TMEM245: variants seen among roughly 807,000 people sequenced by gnomAD.
The protein encoded by TMEM245 is protein CG-2.
TMEM245 carries 69 observed loss-of-function variants against 101.2 expected under a neutral mutation model. The ratio of observed to expected loss-of-function variants is 0.68; its 90% CI spans 0.56 to 0.83. The LOEUF (loss-of-function observed/expected upper bound fraction) is 0.83. Ranked by LOEUF, TMEM245 falls within the 40% of genes least tolerant of loss-of-function variation. The pLI is 0.00. For synonymous variants in TMEM245, 537 were observed against 449.8 expected (o/e 1.19, Z -2.45); for missense variants, 1,075 against 1,092.8 (o/e 0.98, Z 0.23).
chr9:109,077,002 C>G (rs1448803567), intron 8 of TMEM245, among the ~76,000 whole-genome samples: 1 of 151,910 alleles, frequency 6.6e-6, no homozygotes, highest in Non-Finnish European at 1.5e-5. Context: ...CCTAACACTT[C>G]CAAATTTATT....
chr9:109,106,237 A>AAAAATATTTTATTTTATAAAAAT (rs1267425233), intron 3 of TMEM245, among the ~76,000 whole-genome samples: 5 of 151,810 alleles, frequency 3.3e-5, no homozygotes, highest in African/African-American at 1.2e-4. Flanking sequence ...AAAATAAAAT[A>AAAAATATTTTATTTTATAAAAAT]AAAATATTTT....
chr9:109,112,598 C>T (rs1830596015), intron 1 of TMEM245, among the ~76,000 whole-genome samples: 1 of 150,692 alleles, frequency 6.6e-6, no homozygotes, highest in Non-Finnish European at 1.5e-5. Context: ...AAGATGGCCA[C>T]AGTACAATGA....
rs556324256 is a variant in TMEM245, at chr9:109,102,525, T to A, written c.799+3983A>T. On this transcript the variant is annotated intron_variant, in intron 3 of 17. Coordinates refer to ENST00000374586, the MANE Select transcript of TMEM245 (RefSeq NM_032012.4). ...TGAAGATGTTAAAAATAATGCTCTA[T>A]AAGTGTATTCATTGACACAGAAAGT... 7.9e-5 allele frequency among the ~76,000 whole-genome samples: 12 copies of A among 152,284 alleles called. 1 individual carries two copies. In the South Asian group the frequency reaches 2.3e-3, roughly 29 times the overall value.
chr9:109,091,010 G>C lies in TMEM245; in HGVS notation c.1062C>G (p.Ile354Met), dbSNP rs765207623. The change falls in exon 5 of 18, where the codon ATC (isoleucine) becomes ATG (methionine). Residue 354 changes from isoleucine to methionine, a missense_variant. Ile to Met is a conservative substitution (Grantham distance 10). Coordinates refer to ENST00000374586, the MANE Select transcript of TMEM245 (RefSeq NM_032012.4). ...TGGCCCAAACTAGAGACACAAAGTA[G>C]ATGTCACTAGTTTTCTTCTTTCTAA... is the stretch of plus-strand genomic sequence containing the variant. ...TFLRKKKTSD[I>M]YFVSLVWAIV... The C allele has an allele frequency of 6.2e-7, 1 of 1,614,064 alleles. No individual in the cohort carries two copies. Among genetic ancestry groups the C allele is most frequent in the African/African-American group, 1.3e-5 (1 of 74,936 alleles).
intron 2 of TMEM245, among the ~76,000 whole-genome samples, chr9:109,107,568 T>C (rs543834193): frequency 6.6e-6 from 1 of 152,272 alleles, no homozygotes; most frequent in African/African-American, 2.4e-5. Context: ...TTCTTGCAGA[T>C]AAATTCCTCT....
chr9:109,030,602 A>T (rs1827916476), intron 17 of TMEM245, among the ~76,000 whole-genome samples: 1 of 152,172 alleles, frequency 6.6e-6, no homozygotes, highest in Admixed American at 6.5e-5. Context: ...CATTCTGTTG[A>T]TTTCGAGCAC....
chr9:109,061,723 C>T (rs935163867), intron 10 of TMEM245, among the ~76,000 whole-genome samples: 35 of 152,164 alleles, frequency 2.3e-4, no homozygotes, highest in East Asian at 5.8e-4. Context: ...TGTGCGCCCC[C>T]ACACCCAGTT....
At chr9:109,053,482 G>A (rs953601485) in intron 12 of TMEM245, among the ~76,000 whole-genome samples, 3 of 152,164 alleles carry the variant, frequency 2.0e-5, no homozygotes, top group Non-Finnish European at 4.4e-5. Context: ...GCCAGGTTTG[G>A]TATCAGTTTA....
intron 4 of TMEM245, among the ~76,000 whole-genome samples, chr9:109,091,995 G>C (rs1282125884): frequency 1.3e-5 from 2 of 152,040 alleles, no homozygotes; most frequent in African/African-American, 4.8e-5. Context: ...AATTACAAAA[G>C]TATCATACGT....
intron 2 of TMEM245, among the ~76,000 whole-genome samples, chr9:109,107,172 G>A (rs1025632033): frequency 2.6e-5 from 4 of 151,828 alleles, no homozygotes; most frequent in Non-Finnish European, 5.9e-5. Flanking sequence ...TGGCTAATTT[G>A]AGGTCAGGAG....
In TMEM245 at chr9:109,073,422, A is replaced by T; in HGVS notation, c.1466T>A (p.Val489Glu). 6.2e-7 allele frequency: 1 copy of T among 1,611,180 alleles called. No homozygotes were observed. The highest frequency in any genetic ancestry group is 1.7e-5 in the Admixed American group (1 of 60,024). Residue 489 changes from valine to glutamate, a missense_variant, in exon 9 of 18, where the codon GTA becomes GAA. By Grantham distance (121) the Val-to-Glu change is moderately radical. Coordinates refer to ENST00000374586, the MANE Select transcript of TMEM245 (RefSeq NM_032012.4). Reference protein sequence around the residue: ...LLTAKVHQESVHMIEVTSNLI... With the variant: ...LLTAKVHQESEHMIEVTSNLI... ...ATTACTTGTGACTTCAATCATGTGT[A>T]CACTCTCTTGATGTACCTGTATTAC...
chr9:109,056,442 A>C (rs34294285), intron 12 of TMEM245, among the ~76,000 whole-genome samples: 120 of 96,258 alleles, frequency 1.2e-3, no homozygotes, highest in African/African-American at 5.2e-3. Flanking sequence ...TAAAAATGCA[A>C]AAAAAAAAAA....
chr9:109,086,158 A>C (rs1280529760), intron 6 of TMEM245, 138 bp from the exon 7 acceptor site: 10 of 787,678 alleles, frequency 1.3e-5, no homozygotes, highest in Non-Finnish European at 2.1e-5. Flanking sequence ...AGGGACGGAA[A>C]AACTGTAACA....
chr9:109,109,895 T>C (rs1412365762), intron 1 of TMEM245, among the ~76,000 whole-genome samples: 2 of 152,190 alleles, frequency 1.3e-5, no homozygotes, highest in Non-Finnish European at 2.9e-5. Context: ...TTACATCTAC[T>C]ATATGGTGGG....
intron 14 of TMEM245, among the ~76,000 whole-genome samples, chr9:109,046,526 A>C (rs1828497839): frequency 6.6e-6 from 1 of 152,240 alleles, no homozygotes; most frequent in Non-Finnish European, 1.5e-5. Flanking sequence ...GATAGTGATC[A>C]TAAAGAAACC....
intron 8 of TMEM245, among the ~76,000 whole-genome samples, chr9:109,073,669 GA>G (rs1333039168): frequency 1.3e-5 from 2 of 151,864 alleles, no homozygotes; most frequent in Non-Finnish European, 2.9e-5. Flanking sequence ...CATTACTTAA[GA>G]AAAAAATACA....
intron 11 of TMEM245, among the ~76,000 whole-genome samples, chr9:109,059,523 T>C (rs1193264953): frequency 1.3e-5 from 2 of 151,574 alleles, no homozygotes; most frequent in African/African-American, 2.4e-5. Context: ...CTACAAAAAA[T>C]ACAAAAAAAT....
chr9:109,062,004 TTTTTG>T (rs1415101275), intron 10 of TMEM245, among the ~76,000 whole-genome samples: 1 of 151,438 alleles, frequency 6.6e-6, no homozygotes, highest in African/African-American at 2.4e-5. Flanking sequence ...ATAAAATGAG[TTTTTG>T]TTTTGTTTTT....
At position 109,023,601 on chromosome 9, in the gene TMEM245, G is replaced by A. The variant is rs576408989; in HGVS notation, c.2595-3096C>T. 6.7e-4 allele frequency among the ~76,000 whole-genome samples: 102 copies of A among 152,212 alleles called. 3 individuals carry two copies. The South Asian group carries it at 0.02, about 30-fold the overall frequency. Reference sequence around the variant, plus strand: ...TGTAATCCCAGCACTTTGGGAGGCCGAGGCAGGTGGATCACGAGGTCAGGA... The same window carrying A: ...TGTAATCCCAGCACTTTGGGAGGCCAAGGCAGGTGGATCACGAGGTCAGGA... On this transcript the variant is annotated intron_variant, in intron 17 of 17. Coordinates refer to ENST00000374586, the MANE Select transcript of TMEM245 (RefSeq NM_032012.4).
Sources: gnomAD v4.1 joint callset for allele counts (sites outside exome capture counted in the v4.1 genomes callset) on GRCh38, gnomAD v4.1.1 for gene constraint, MANE v1.5 for transcripts, NCBI Gene and HGNC (gene_info 2026-07-23, HGNC 2026-07-21) for gene names.